The following VPS13A variants were observed in gnomAD, a reference collection of about 807,000 sequenced individuals.
The protein encoded by VPS13A is vacuolar protein sorting 13 homolog A.
Under a neutral mutation model 390.9 loss-of-function variants are expected in VPS13A, and 264 were observed. That is an observed-to-expected ratio of 0.68 (90% CI 0.61 to 0.75). The LOEUF (loss-of-function observed/expected upper bound fraction) is 0.75. VPS13A is among the 30% of genes least tolerant of loss of function. The pLI, the probability that VPS13A is intolerant of heterozygous loss-of-function variation, is 0.00. For missense variants in VPS13A, 3,409 were observed against 3,733.9 expected (o/e 0.91, Z 2.27); for synonymous variants, 1,231 against 1,227.1 (o/e 1.00, Z -0.07).
intron 10 of VPS13A, among the ~76,000 whole-genome samples, chr9:77,218,885 C>T (rs1823018250): frequency 6.6e-6 from 1 of 152,140 alleles, no homozygotes; most frequent in Non-Finnish European, 1.5e-5. Context: ...AGATTTATGA[C>T]ACTAAAGTGA....
rs1195532380 is a variant in VPS13A at position 77,417,354 on chromosome 9, A to T, written c.*1348A>T. The T allele has an allele frequency of 2.0e-5, 3 of 152,186 alleles. No homozygotes were observed. The East Asian group carries it at 5.8e-4, about 29-fold the overall frequency. 9.4% of individuals were successfully genotyped at this position (152,186 alleles called of 1,614,324 possible). A position where few individuals can be genotyped will look rare whatever the true frequency, so the allele number is the denominator to read the frequency against. On this transcript the variant is annotated 3_prime_UTR_variant, in exon 72 of 72. Transcript: ENST00000360280. Reference sequence around the variant, plus strand: ...TGTTGTAAAAGCTAAAATAAACAGCATGCTATATTGTAATTGTATTTCTTG... The same window carrying T: ...TGTTGTAAAAGCTAAAATAAACAGCTTGCTATATTGTAATTGTATTTCTTG...
At chr9:77,374,089 T>C (rs539476207) in intron 67 of VPS13A, among the ~76,000 whole-genome samples, 1 of 152,296 alleles carries the variant, frequency 6.6e-6, no homozygotes, top group East Asian at 1.9e-4. Context: ...AAGAATGGCA[T>C]TTTGTATTTC....
Position 77,221,209 on chromosome 9 carries a change from T to G in VPS13A, c.1014T>G (p.Val338=). Residue 338 remains valine, a synonymous_variant, in exon 13 of 72, where the codon GTT becomes GTG. Coordinates refer to ENST00000360280, the MANE Select transcript of VPS13A (RefSeq NM_033305.3). Reference sequence around the variant, plus strand: ...GGTGGGCTTATGCTATACATGGCGTTCTTGAAGTAAATGTTTGCCCCAGGT... The same window carrying G: ...GGTGGGCTTATGCTATACATGGCGTGCTTGAAGTAAATGTTTGCCCCAGGT... ...REWWAYAIHG[V]LEVNVCPRLW... The G allele has an allele frequency of 6.2e-7, 1 of 1,613,464 alleles. No individual in the cohort carries two copies. The highest frequency in any genetic ancestry group is 8.5e-7 in the Non-Finnish European group (1 of 1,179,522).
chr9:77,324,085 G>A (rs374577788), intron 45 of VPS13A, among the ~76,000 whole-genome samples: 1 of 151,740 alleles, frequency 6.6e-6, no homozygotes, highest in African/African-American at 2.4e-5. Context: ...GATAAAATTG[G>A]CTTGTCCTTT....
chr9:77,183,313 G>A (rs1475692689), intron 1 of VPS13A, among the ~76,000 whole-genome samples: 2 of 152,154 alleles, frequency 1.3e-5, no homozygotes, highest in East Asian at 3.8e-4. Context: ...ACATGATAAT[G>A]AACATATCTG....
intron 23 of VPS13A, among the ~76,000 whole-genome samples, chr9:77,267,995 G>A (rs1212462698): frequency 6.6e-6 from 1 of 152,200 alleles, no homozygotes; most frequent in Non-Finnish European, 1.5e-5. Flanking sequence ...TCAAGCCTCA[G>A]CAGTGGTGAT....
intron 31 of VPS13A, among the ~76,000 whole-genome samples, chr9:77,283,873 A>C (rs1414750961): frequency 6.6e-6 from 1 of 152,112 alleles, no homozygotes; most frequent in African/African-American, 2.4e-5. Context: ...TATTTGTAAA[A>C]TGAGGATTAC....
At chr9:77,383,500 C>G (rs1833544655) in intron 68 of VPS13A, among the ~76,000 whole-genome samples, 1 of 151,980 alleles carries the variant, frequency 6.6e-6, no homozygotes, top group African/African-American at 2.4e-5. Context: ...TAACAAGTTA[C>G]TAACATTTTA....
chr9:77,323,696 T>G (rs925701818), intron 45 of VPS13A, among the ~76,000 whole-genome samples: 7 of 152,130 alleles, frequency 4.6e-5, no homozygotes, highest in Non-Finnish European at 7.4e-5. Flanking sequence ...TTAGAAAAAT[T>G]TTCTGTTTCC....
chr9:77,382,712 T>A (rs973320556), intron 68 of VPS13A: 2 of 988,332 alleles, frequency 2.0e-6, no homozygotes, highest in Admixed American at 1.2e-4. Context: ...AATGCTTAAA[T>A]GGCCATGACC....
At chr9:77,274,908 T>C (rs970048557) in intron 24 of VPS13A, among the ~76,000 whole-genome samples, 11 of 152,154 alleles carry the variant, frequency 7.2e-5, no homozygotes, top group Admixed American at 3.3e-4. Context: ...TTAATGGTTT[T>C]ACTAAGTTAT....
At chr9:77,233,103 A>G (rs1002883947) in intron 17 of VPS13A, among the ~76,000 whole-genome samples, 2 of 152,068 alleles carry the variant, frequency 1.3e-5, no homozygotes, top group African/African-American at 4.8e-5. Context: ...TTTACTTCCT[A>G]TTAGTTATCT....
At chr9:77,217,901 C>T (rs1291309684) in intron 10 of VPS13A, among the ~76,000 whole-genome samples, 1 of 151,592 alleles carries the variant, frequency 6.6e-6, no homozygotes, top group Non-Finnish European at 1.5e-5. Flanking sequence ...TACTGTTTTC[C>T]ACAGAGGTTG....
At chr9:77,384,649 A>T in intron 68 of VPS13A, 1 of 1,606,946 alleles carries the variant, frequency 6.2e-7, no homozygotes, top group Non-Finnish European at 8.5e-7. Context: ...GATGATGATG[A>T]TGATGATGAT....
chr9:77,411,977 T>C (rs528151438), intron 71 of VPS13A, among the ~76,000 whole-genome samples: 1 of 152,122 alleles, frequency 6.6e-6, no homozygotes, highest in East Asian at 1.9e-4. Context: ...TCTATGCAAA[T>C]AAACTAGAAA....
chr9:77,299,715 A>G (rs933314981), intron 33 of VPS13A, among the ~76,000 whole-genome samples: 1 of 152,242 alleles, frequency 6.6e-6, no homozygotes. Context: ...AAAATGTGGC[A>G]CATATACACC....
intron 7 of VPS13A, 94 bp from the exon 8 acceptor site, chr9:77,212,875 G>T: frequency 3.9e-6 from 5 of 1,281,970 alleles, no homozygotes; most frequent in South Asian, 1.2e-5. Flanking sequence ...TCATGAAAGG[G>T]ACATTGGTCT....
At chr9:77,216,512 A>C (rs9886885) in intron 10 of VPS13A, among the ~76,000 whole-genome samples, 453 of 152,338 alleles carry the variant, frequency 3.0e-3, no homozygotes, top group African/African-American at 0.01. Flanking sequence ...GCTTTGCTGC[A>C]TATAGGAGCA....
At position 77,418,992 on chromosome 9, in the gene VPS13A, C is replaced by G. The variant is rs912811550; in HGVS notation, c.*2986C>G. On this transcript the variant is annotated 3_prime_UTR_variant, in exon 72 of 72. Coordinates refer to ENST00000360280, the MANE Select transcript of VPS13A (RefSeq NM_033305.3). ...TGATCCTTCAGGCTATGCCAAGTGC[C>G]CCCTCATGTAGGCCTCTGTATTAAA... 5 of 152,068 alleles carry G rather than the reference C, an allele frequency of 3.3e-5. No individual in the cohort carries two copies. In the East Asian group the frequency reaches 9.6e-4, roughly 29 times the overall value. The allele number at this position is 152,068 out of a possible 1,614,324, so 9.4% of individuals were successfully genotyped here.
Sources: gnomAD v4.1 joint callset for allele counts (sites outside exome capture counted in the v4.1 genomes callset) on GRCh38, gnomAD v4.1.1 for gene constraint, MANE v1.5 for transcripts, NCBI Gene and HGNC (gene_info 2026-07-23, HGNC 2026-07-21) for gene names.